The following YIPF4 variants were observed in gnomAD, a reference collection of about 807,000 sequenced individuals.
The protein encoded by YIPF4 is Yip1 domain family member 4, also known as protein YIPF4.
A neutral mutation model predicts 29.4 loss-of-function variants in YIPF4; 18 were observed. That is an observed-to-expected ratio of 0.61 (90% CI 0.42 to 0.91). The LOEUF (loss-of-function observed/expected upper bound fraction) is 0.91, where lower values mean the gene tolerates loss of function less well. Ranked by LOEUF, YIPF4 falls within the 40% of genes least tolerant of loss-of-function variation. The probability of loss-of-function intolerance (pLI) is 0.00; values close to 1 mark genes in which losing one functional copy is unlikely to be tolerated. For missense variants in YIPF4, 279 were observed against 282.7 expected (o/e 0.99, Z 0.09); for synonymous variants, 115 against 104.7 (o/e 1.10, Z -0.60).
At chr2:32,281,517 C>G (rs1475776718) in intron 1 of YIPF4, among the ~76,000 whole-genome samples, 1 of 152,132 alleles carries the variant, frequency 6.6e-6, no homozygotes, top group African/African-American at 2.4e-5. Flanking sequence ...ACTGGGATTA[C>G]AGGCATGAGC....
rs200225743 is a variant in YIPF4, at chr2:32,301,497, T to C, written c.597+2T>C. Reference sequence around the variant, plus strand: ...GAAGTGGTGTCTACACTTATAAAAGTAAGTTAAGGATTATGTATTACATAG... The same window carrying C: ...GAAGTGGTGTCTACACTTATAAAAGCAAGTTAAGGATTATGTATTACATAG... On this transcript the variant is annotated splice_donor_variant, in intron 5 of 5. Coordinates refer to ENST00000238831, the MANE Select transcript of YIPF4 (RefSeq NM_032312.4). LOFTEE classifies it high-confidence loss of function. The C allele has an allele frequency of 6.3e-7, 1 of 1,583,952 alleles. No individual in the cohort carries two copies. Among genetic ancestry groups the C allele is most frequent in the East Asian group, 2.2e-5 (1 of 44,648 alleles).
intron 5 of YIPF4, among the ~76,000 whole-genome samples, chr2:32,305,083 G>C (rs995532536): frequency 1.3e-5 from 2 of 151,904 alleles, no homozygotes; most frequent in African/African-American, 2.4e-5. Context: ...TCAGTAATTT[G>C]GTATAATAAT....
At chr2:32,293,931 C>T (rs1246687640) in intron 3 of YIPF4, among the ~76,000 whole-genome samples, 3 of 143,286 alleles carry the variant, frequency 2.1e-5, no homozygotes, top group Non-Finnish European at 3.0e-5. Context: ...GGCGGCTGGC[C>T]GGGCGGGGGG....
chr2:32,279,146 T>C (rs992041470), intron 1 of YIPF4, among the ~76,000 whole-genome samples: 1 of 151,596 alleles, frequency 6.6e-6, no homozygotes, highest in Non-Finnish European at 1.5e-5. Context: ...TTTTTTTGTA[T>C]TTTTAGTAGA....
rs2030165188 is a variant in YIPF4, at chr2:32,277,922, T to A, written c.-234T>A. On this transcript the variant is annotated 5_prime_UTR_variant, in exon 1 of 6. Coordinates refer to ENST00000238831, the MANE Select transcript of YIPF4 (RefSeq NM_032312.4). ...CGCCGCTGTCACTGTTATGGTCCTG[T>A]CAGGGTGCCGGCGTCGTGGTGCTTG... 1 of 522,750 alleles carries A rather than the reference T, an allele frequency of 1.9e-6. No homozygotes were observed. The highest frequency in any genetic ancestry group is 2.4e-5 in the South Asian group (1 of 41,924). 32.4% of individuals were successfully genotyped at this position (522,750 alleles called of 1,614,324 possible). A position where few individuals can be genotyped will look rare whatever the true frequency, so the allele number is the denominator to read the frequency against.
chr2:32,305,786 T>C lies in YIPF4; in HGVS notation c.*160T>C, dbSNP rs1032474954. 20 of 1,243,168 alleles carry C rather than the reference T, an allele frequency of 1.6e-5. No individual in the cohort carries two copies. Among genetic ancestry groups the C allele is most frequent in the Non-Finnish European group, 6.0e-6 (6 of 994,746 alleles). 77.0% of individuals were successfully genotyped at this position (1,243,168 alleles called of 1,614,324 possible). A position where few individuals can be genotyped will look rare whatever the true frequency, so the allele number is the denominator to read the frequency against. On this transcript the variant is annotated 3_prime_UTR_variant, in exon 6 of 6. Transcript: ENST00000238831. ...TTTTAAAACAATTTTTTTTTGTATTTAATTAAGCAATTGCAGTTATCTGGG... is the reference window on the plus strand; with the variant it reads ...TTTTAAAACAATTTTTTTTTGTATTCAATTAAGCAATTGCAGTTATCTGGG...
At position 32,309,156 on chromosome 2, in the gene YIPF4, T is replaced by G. The variant is rs1218492125; in HGVS notation, c.*3530T>G. ...TTATTTCTAAGGTCTGTAAGACAGT[T>G]TTATATGTAATAATGTGTCCATTTC... is the stretch of plus-strand genomic sequence containing the variant. On this transcript the variant is annotated 3_prime_UTR_variant, in exon 6 of 6. Transcript: ENST00000238831. The G allele has an allele frequency of 6.6e-6, 1 of 152,198 alleles. No individual in the cohort carries two copies. The allele number at this position is 152,198 out of a possible 1,614,324, so 9.4% of individuals were successfully genotyped here.
chr2:32,305,688 G>A lies in YIPF4; in HGVS notation c.*62G>A. 7.3e-7 allele frequency: 1 copy of A among 1,361,902 alleles called. No homozygotes were observed. The highest frequency in any genetic ancestry group is 9.5e-7 in the Non-Finnish European group (1 of 1,052,536). 84.4% of individuals were successfully genotyped at this position (1,361,902 alleles called of 1,614,324 possible). The stretch of plus-strand genomic sequence containing the variant: ...ATTTGTGTGTAGGCTGGGAATTCTT[G>A]CTGAAGGAATTGGAGAAAACCTGTT... On this transcript the variant is annotated 3_prime_UTR_variant, in exon 6 of 6. Transcript: ENST00000238831.
rs2031713425 is a variant in YIPF4 at position 32,311,435 on chromosome 2, C to G, written c.*5809C>G. Reference sequence around the variant, plus strand: ...AAGATGGCAGTGGTAAAACATTTCCCTGCTTTACATTTTTATATTGGCAGT... The same window carrying G: ...AAGATGGCAGTGGTAAAACATTTCCGTGCTTTACATTTTTATATTGGCAGT... On this transcript the variant is annotated 3_prime_UTR_variant, in exon 6 of 6. Coordinates refer to ENST00000238831, the MANE Select transcript of YIPF4 (RefSeq NM_032312.4). 2 of 152,148 alleles carry G rather than the reference C, an allele frequency of 1.3e-5. No individual in the cohort carries two copies. Among genetic ancestry groups the G allele is most frequent in the Non-Finnish European group, 2.9e-5 (2 of 68,036 alleles). 9.4% of individuals were successfully genotyped at this position (152,148 alleles called of 1,614,324 possible).
chr2:32,284,746 A>G (rs1253977702), intron 1 of YIPF4, among the ~76,000 whole-genome samples: 1 of 152,184 alleles, frequency 6.6e-6, no homozygotes, highest in Non-Finnish European at 1.5e-5. Context: ...AATGGATGGC[A>G]TTTAATTATC....
intron 1 of YIPF4, among the ~76,000 whole-genome samples, chr2:32,280,825 T>C (rs911727825): frequency 3.3e-5 from 5 of 152,202 alleles, no homozygotes; most frequent in African/African-American, 4.8e-5. Context: ...CCCCAAAATA[T>C]TTCAATTTGT....
rs2148969308 is a variant in YIPF4 at position 32,308,018 on chromosome 2, A to G, written c.*2392A>G. On this transcript the variant is annotated 3_prime_UTR_variant, in exon 6 of 6. Transcript: ENST00000238831. ...TGGCTAATAATGGTAAGATGACCCTAATAATGTCCTCTCCTTGAATTTTTA... is the reference window on the plus strand; with the variant it reads ...TGGCTAATAATGGTAAGATGACCCTGATAATGTCCTCTCCTTGAATTTTTA... The G allele has an allele frequency of 6.6e-6, 1 of 151,870 alleles. No individual in the cohort carries two copies. The highest frequency in any genetic ancestry group is 2.4e-5 in the African/African-American group (1 of 41,442). 9.4% of individuals were successfully genotyped at this position (151,870 alleles called of 1,614,324 possible).
chr2:32,292,184 T>C lies in YIPF4; in HGVS notation c.241T>C (p.Leu81=), dbSNP rs1573532718. 2.0e-6 allele frequency: 3 copies of C among 1,488,378 alleles called. No homozygotes were observed. The South Asian group carries it at 4.3e-5, about 21-fold the overall frequency. The allele number at this position is 1,488,378 out of a possible 1,614,324, so 92.2% of individuals were successfully genotyped here. A position where few individuals can be genotyped will look rare whatever the true frequency, so the allele number is the denominator to read the frequency against. ...TTTATTTTAAAATTATAGGGAAGAA[T>C]TGGACATTGATCTAAAGGATATTTA... ...PEDNKPLLEE[L]DIDLKDIYYK... is the part of the protein sequence containing the mutation. Residue 81 remains leucine, a synonymous_variant, in exon 3 of 6, where the codon TTG becomes CTG. Coordinates refer to ENST00000238831, the MANE Select transcript of YIPF4 (RefSeq NM_032312.4).
intron 1 of YIPF4, among the ~76,000 whole-genome samples, chr2:32,289,850 G>T (rs971492172): frequency 6.6e-6 from 1 of 152,102 alleles, no homozygotes; most frequent in Non-Finnish European, 1.5e-5. Context: ...GAAGATGAAT[G>T]ATGTAATTAT....
Position 32,305,763 on chromosome 2 carries a change from T to G in YIPF4, c.*137T>G. The G allele has an allele frequency of 8.0e-7, 1 of 1,252,330 alleles. No individual in the cohort carries two copies. Among genetic ancestry groups the G allele is most frequent in the Non-Finnish European group, 1.0e-6 (1 of 999,380 alleles). 77.6% of individuals were successfully genotyped at this position (1,252,330 alleles called of 1,614,324 possible). ...ATGGAAAGGGAAGTCTAAGCGCTTT[T>G]TAAAACAATTTTTTTTTGTATTTAA... On this transcript the variant is annotated 3_prime_UTR_variant, in exon 6 of 6. Transcript: ENST00000238831.
At chr2:32,278,604 T>A (rs1415025262) in intron 1 of YIPF4, among the ~76,000 whole-genome samples, 1 of 151,892 alleles carries the variant, frequency 6.6e-6, no homozygotes, top group Admixed American at 6.6e-5. Context: ...TCTCAAAGAA[T>A]GAGAAAAAGG....
At chr2:32,299,460 A>G (rs1291420714) in intron 4 of YIPF4, among the ~76,000 whole-genome samples, 3 of 152,232 alleles carry the variant, frequency 2.0e-5, no homozygotes, top group African/African-American at 2.4e-5. Context: ...ATACAGGTAT[A>G]TAATTGAAAA....
intron 5 of YIPF4, among the ~76,000 whole-genome samples, chr2:32,302,043 T>C (rs1177205099): frequency 6.6e-6 from 1 of 151,168 alleles, no homozygotes; most frequent in Non-Finnish European, 1.5e-5. Flanking sequence ...CTTTTTTTTT[T>C]TTTTTGAGAC....
chr2:32,278,864 T>C (rs2030240529), intron 1 of YIPF4, among the ~76,000 whole-genome samples: 1 of 152,168 alleles, frequency 6.6e-6, no homozygotes, highest in Admixed American at 6.5e-5. Context: ...CTTGTATTAT[T>C]CTGAGGAAGC....
Sources: gnomAD v4.1 joint callset for allele counts (sites outside exome capture counted in the v4.1 genomes callset) on GRCh38, gnomAD v4.1.1 for gene constraint, MANE v1.5 for transcripts, NCBI Gene and HGNC (gene_info 2026-07-23, HGNC 2026-07-21) for gene names.